PTN: variants seen among roughly 807,000 people sequenced by gnomAD.
PTN encodes heparin affin regulatory protein.
A neutral mutation model predicts 24.1 loss-of-function variants in PTN; 18 were observed. The ratio of observed to expected loss-of-function variants is 0.75; its 90% CI spans 0.52 to 1.11. The LOEUF is 1.11. Ranked by LOEUF, PTN falls within the 50% of genes least tolerant of loss-of-function variation. The probability of loss-of-function intolerance (pLI) is 0.00; values close to 1 mark genes in which losing one functional copy is unlikely to be tolerated. For synonymous variants in PTN, 78 were observed against 68.6 expected (o/e 1.14, Z -0.67); for missense variants, 163 against 198.8 (o/e 0.82, Z 1.08).
At chr7:137,289,634 T>A (rs2128877081) in intron 1 of PTN, among the ~76,000 whole-genome samples, 1 of 152,248 alleles carries the variant, frequency 6.6e-6, no homozygotes, top group Middle Eastern at 3.4e-3. Flanking sequence ...TTCTACTGGC[T>A]TTGAGATGGA....
At chr7:137,338,445 C>T (rs1010214968) in intron 1 of PTN, among the ~76,000 whole-genome samples, 2 of 152,126 alleles carry the variant, frequency 1.3e-5, no homozygotes, top group Non-Finnish European at 2.9e-5. Flanking sequence ...GAATAAACAG[C>T]ATTAAAGGAA....
chr7:137,258,121 T>C (rs1808967831), intron 1 of PTN, among the ~76,000 whole-genome samples: 1 of 152,152 alleles, frequency 6.6e-6, no homozygotes, highest in Non-Finnish European at 1.5e-5. Context: ...AATCCAGTTC[T>C]ATTCACTGAT....
intron 1 of PTN, among the ~76,000 whole-genome samples, chr7:137,320,307 A>G (rs1210310497): frequency 6.6e-6 from 1 of 152,258 alleles, no homozygotes; most frequent in Non-Finnish European, 1.5e-5. Context: ...AGACCCACAC[A>G]TAGGACTGTA....
chr7:137,280,149 T>C (rs761914467), intron 1 of PTN, among the ~76,000 whole-genome samples: 2 of 152,194 alleles, frequency 1.3e-5, no homozygotes, highest in Non-Finnish European at 2.9e-5. Flanking sequence ...ATATGTTAAA[T>C]GTGATTTAAT....
At chr7:137,304,839 T>C (rs906334728) in intron 1 of PTN, among the ~76,000 whole-genome samples, 4 of 151,962 alleles carry the variant, frequency 2.6e-5, no homozygotes, top group African/African-American at 9.7e-5. Flanking sequence ...TGGCGCTGTT[T>C]GGGAGCTGAC....
At chr7:137,340,072 A>G (rs1810510176) in intron 1 of PTN, among the ~76,000 whole-genome samples, 1 of 152,184 alleles carries the variant, frequency 6.6e-6, no homozygotes, top group Non-Finnish European at 1.5e-5. Flanking sequence ...TCTGTTTGAG[A>G]TATCACTTTA....
At chr7:137,289,597 G>C (rs1809608987) in intron 1 of PTN, among the ~76,000 whole-genome samples, 1 of 152,176 alleles carries the variant, frequency 6.6e-6, no homozygotes, top group African/African-American at 2.4e-5. Flanking sequence ...GAAATTTCAA[G>C]TGTGAGAGGG....
chr7:137,329,237 G>A (rs1441414027), intron 1 of PTN, among the ~76,000 whole-genome samples: 1 of 152,192 alleles, frequency 6.6e-6, no homozygotes, highest in Admixed American at 6.5e-5. Flanking sequence ...TATTATGACA[G>A]TATTATTAAT....
intron 1 of PTN, among the ~76,000 whole-genome samples, chr7:137,275,518 T>C (rs1247061842): frequency 1.3e-5 from 2 of 152,210 alleles, no homozygotes; most frequent in African/African-American, 4.8e-5. Flanking sequence ...AATAAGATTA[T>C]ATACCACATC....
intron 4 of PTN, among the ~76,000 whole-genome samples, chr7:137,230,359 C>A (rs1243439056): frequency 6.6e-6 from 1 of 151,760 alleles, no homozygotes; most frequent in Non-Finnish European, 1.5e-5. Context: ...AGGAAATCAA[C>A]AATTTGCTTA....
intron 1 of PTN, among the ~76,000 whole-genome samples, chr7:137,266,647 A>AGAT (rs1403992317): frequency 6.6e-6 from 1 of 151,318 alleles, no homozygotes; most frequent in Non-Finnish European, 1.5e-5. Flanking sequence ...TTTTTTTTGA[A>AGAT]GATAACCATT....
chr7:137,227,947 C>G lies in PTN; in HGVS notation c.*73G>C. 1 of 1,561,874 alleles carries G rather than the reference C, an allele frequency of 6.4e-7. No homozygotes were observed. Among genetic ancestry groups the G allele is most frequent in the Non-Finnish European group, 8.6e-7 (1 of 1,158,540 alleles). Reference sequence around the variant, plus strand: ...AGATAATTTTTGAATACAAAGCCTACGGTACATATAAATGCAATAGTTAAC... The same window carrying G: ...AGATAATTTTTGAATACAAAGCCTAGGGTACATATAAATGCAATAGTTAAC... On this transcript the variant is annotated 3_prime_UTR_variant, in exon 5 of 5. Coordinates refer to ENST00000348225, the MANE Select transcript of PTN (RefSeq NM_002825.7).
intron 4 of PTN, among the ~76,000 whole-genome samples, chr7:137,233,315 A>G (rs1158823950): frequency 1.3e-5 from 2 of 151,988 alleles, no homozygotes; most frequent in African/African-American, 4.8e-5. Flanking sequence ...CAGATCAATC[A>G]TTCTGCCTCT....
chr7:137,280,691 T>TAACAAA (rs760779128), intron 1 of PTN, among the ~76,000 whole-genome samples: 1,335 of 14,600 alleles, frequency 0.091, 79 homozygotes, highest in Middle Eastern at 0.12. Context: ...CCGTCTCTAC[T>TAACAAA]AAAAATACAA....
At chr7:137,257,802 A>C (rs1338663161) in intron 1 of PTN, among the ~76,000 whole-genome samples, 1 of 152,222 alleles carries the variant, frequency 6.6e-6, no homozygotes, top group East Asian at 1.9e-4. Context: ...GGAAATTCTC[A>C]TGGAGAACGC....
intron 1 of PTN, among the ~76,000 whole-genome samples, chr7:137,335,978 C>T (rs548656539): frequency 4.1e-5 from 6 of 146,410 alleles, no homozygotes; most frequent in East Asian, 2.0e-4. Context: ...TCATTCCTGT[C>T]GCACATCTTA....
At chr7:137,333,425 TA>T (rs1177940932) in intron 1 of PTN, among the ~76,000 whole-genome samples, 1 of 152,192 alleles carries the variant, frequency 6.6e-6, no homozygotes, top group Non-Finnish European at 1.5e-5. Context: ...CTAAGACTGT[TA>T]CCACAATATG....
chr7:137,238,926 CA>C (rs1808571337), intron 4 of PTN, among the ~76,000 whole-genome samples: 1 of 152,084 alleles, frequency 6.6e-6, no homozygotes, highest in African/African-American at 2.4e-5. Flanking sequence ...GACAGAAATG[CA>C]AAAGCTTCAG....
chr7:137,253,628 A>G lies in PTN; in HGVS notation c.125T>C (p.Val42Ala), dbSNP rs1157328206. 6.5e-7 allele frequency: 1 copy of G among 1,543,858 alleles called. No individual in the cohort carries two copies. Among genetic ancestry groups the G allele is most frequent in the South Asian group, 1.3e-5 (1 of 79,474 alleles). The change falls in exon 3 of 5, where the codon GTG (valine) becomes GCG (alanine). Residue 42 changes from valine (V) to alanine (A), a missense_variant. Val to Ala is a moderately conservative substitution (Grantham distance 64). Transcript: ENST00000348225. The part of the protein sequence containing the change: ...AGKKEKPEKK[V>A]KKSDCGEWQW... ...CCATTCTCCACAGTCAGACTTCTTC[A>G]CTTTTTTTTCTGAATGAAAGGAGGA...
Sources: gnomAD v4.1 joint callset for allele counts (sites outside exome capture counted in the v4.1 genomes callset) on GRCh38, gnomAD v4.1.1 for gene constraint, MANE v1.5 for transcripts, NCBI Gene and HGNC (gene_info 2026-07-23, HGNC 2026-07-21) for gene names.